FAM83A: variants seen among roughly 807,000 people sequenced by gnomAD.
FAM83A encodes protein FAM83A.
A neutral mutation model predicts 24.4 loss-of-function variants in FAM83A; 21 were observed. That is an observed-to-expected ratio of 0.86 (90% CI 0.61 to 1.24). The LOEUF is 1.24. Ranked by LOEUF, FAM83A falls within the 50% of genes most tolerant of loss-of-function variation. The pLI, the probability that FAM83A is intolerant of heterozygous loss-of-function variation, is 0.00. For missense variants in FAM83A, 617 were observed against 579.8 expected, an observed-to-expected ratio of 1.06 and a Z score of -0.66; for synonymous variants, 270 against 252.4, an observed-to-expected ratio of 1.07 and a Z score of -0.66.
chr8:123,194,688 T>C (rs1824089315), intron 3 of FAM83A, among the ~76,000 whole-genome samples: 1 of 152,226 alleles, frequency 6.6e-6, no homozygotes. Flanking sequence ...TTCATCATGT[T>C]GGCCAGGCTG....
At chr8:123,182,311 A>G, upstream of FAM83A, 1 of 358,038 alleles carries the variant, frequency 2.8e-6, no homozygotes, top group Non-Finnish European at 5.6e-6. Context: ...TCACACAGAG[A>G]GGGGGGCGCA....
chr8:123,182,268 A>C (rs567202394), upstream of FAM83A: 20 of 384,358 alleles, frequency 5.2e-5, no homozygotes, highest in Non-Finnish European at 1.0e-4. Flanking sequence ...CGCCTGGTCA[A>C]CAGCTCTCCC....
intron 3 of FAM83A, among the ~76,000 whole-genome samples, chr8:123,205,634 G>A (rs1824523584): frequency 6.6e-6 from 1 of 152,118 alleles, no homozygotes. Flanking sequence ...TCTTTGACGG[G>A]CCCGTTTCTG....
chr8:123,181,814 C>A (rs979104766), upstream of FAM83A: 5 of 321,790 alleles, frequency 1.6e-5, no homozygotes, highest in East Asian at 3.8e-4. Flanking sequence ...TTCCCCACTT[C>A]TCTCTGTACT....
intron 3 of FAM83A, among the ~76,000 whole-genome samples, 169 bp downstream of exon 3, chr8:123,194,317 G>A (rs1824074593): frequency 6.6e-6 from 1 of 152,322 alleles, no homozygotes; most frequent in East Asian, 1.9e-4. Context: ...GGCAAGAAAT[G>A]TGGACCCTTT....
intron 1 of FAM83A, among the ~76,000 whole-genome samples, chr8:123,186,977 C>G (rs1823820470): frequency 6.6e-6 from 1 of 152,194 alleles, no homozygotes; most frequent in Non-Finnish European, 1.5e-5. Context: ...TAGACGATGG[C>G]AGTCCCAGGC....
intron 1 of FAM83A, among the ~76,000 whole-genome samples, chr8:123,186,025 A>G (rs919329099): frequency 6.6e-6 from 1 of 152,080 alleles, no homozygotes; most frequent in Admixed American, 6.6e-5. Flanking sequence ...TCCTGACCTC[A>G]TGATCCACCC....
At chr8:123,181,014 G>T (rs1237050314), upstream of FAM83A, among the ~76,000 whole-genome samples, 1 of 152,094 alleles carries the variant, frequency 6.6e-6, no homozygotes, top group East Asian at 1.9e-4. Context: ...TGCGATCTTG[G>T]CTCATTGCAG....
chr8:123,208,673 A>G, exon 4 of FAM83A: 1 of 985,418 alleles, frequency 1.0e-6, no homozygotes, highest in Non-Finnish European at 1.2e-6. Flanking sequence ...AGCCTAGCTG[A>G]GTGCAAAGAA....
chr8:123,185,270 A>C (rs1187641962), intron 1 of FAM83A, among the ~76,000 whole-genome samples: 2 of 152,152 alleles, frequency 1.3e-5, no homozygotes, highest in African/African-American at 2.4e-5. Flanking sequence ...TGAGTGTGCC[A>C]GTTCTGGTCT....
chr8:123,182,023 C>T (rs775121358), upstream of FAM83A: 160 of 456,270 alleles, frequency 3.5e-4, no homozygotes, highest in Admixed American at 6.3e-4. Flanking sequence ...CCTCTCACTC[C>T]AGCGCCAACA....
At chr8:123,208,814 C>A in exon 4 of FAM83A, 2 of 939,704 alleles carry the variant, frequency 2.1e-6, no homozygotes, top group Non-Finnish European at 2.5e-6. Context: ...CGAGACCAGC[C>A]TGACCAATAT....
chr8:123,187,615 A>G (rs1307163199), intron 1 of FAM83A, among the ~76,000 whole-genome samples: 1 of 152,218 alleles, frequency 6.6e-6, no homozygotes, highest in African/African-American at 2.4e-5. Flanking sequence ...GAACTATTTC[A>G]AAAACTATTC....
intron 3 of FAM83A, among the ~76,000 whole-genome samples, chr8:123,200,905 A>T (rs1179918404): frequency 6.6e-6 from 1 of 151,610 alleles, no homozygotes; most frequent in Non-Finnish European, 1.5e-5. Flanking sequence ...CAGTGAGCCG[A>T]GATCCACTCT....
chr8:123,190,023 G>A (rs1479101352), intron 1 of FAM83A, among the ~76,000 whole-genome samples: 1 of 152,070 alleles, frequency 6.6e-6, no homozygotes, highest in African/African-American at 2.4e-5. Context: ...ATCTATGACA[G>A]TGCTCCCATA....
Position 123,183,195 on chromosome 8 carries a change from C to A in FAM83A, c.339C>A (p.Ser113Arg), listed in dbSNP as rs756959814. 3 of 1,613,372 alleles carry A rather than the reference C, an allele frequency of 1.9e-6. No individual in the cohort carries two copies. The African/African-American group carries it at 4.0e-5, about 22-fold the overall frequency. ...ACTTCCCTGTGGCCTCAGAGGGCAGCGAGCCGGCCCTACTGCACAGCTGGG... is the reference window on the plus strand; with the variant it reads ...ACTTCCCTGTGGCCTCAGAGGGCAGAGAGCCGGCCCTACTGCACAGCTGGG... Residue 113 changes from serine (S) to arginine (R), a missense_variant, in exon 1 of 4, where the codon AGC (serine) becomes AGA (arginine). Ser to Arg is a moderately radical substitution (Grantham distance 110). Transcript: ENST00000690554.
chr8:123,201,005 A>G (rs1824338776), intron 3 of FAM83A, among the ~76,000 whole-genome samples: 1 of 150,634 alleles, frequency 6.6e-6, no homozygotes, highest in Admixed American at 6.6e-5. Flanking sequence ...ACAAAAAAAA[A>G]ATTAGCTGGT....
chr8:123,207,713 G>T, exon 4 of FAM83A: 2 of 1,446,456 alleles, frequency 1.4e-6, no homozygotes, highest in Admixed American at 2.7e-5. Context: ...GCTGCCCTCC[G>T]CAGGCCCAGG....
exon 4 of FAM83A, chr8:123,207,168 T>G: frequency 6.8e-7 from 1 of 1,474,668 alleles, no homozygotes; most frequent in South Asian, 1.1e-5. Context: ...TTCACCTGGC[T>G]CTGCGGACAC....
Sources: gnomAD v4.1 joint callset for allele counts (sites outside exome capture counted in the v4.1 genomes callset) on GRCh38, gnomAD v4.1.1 for gene constraint, MANE v1.5 for transcripts, NCBI Gene and HGNC (gene_info 2026-07-23, HGNC 2026-07-21) for gene names.